The following SLC9A1 variants were observed in gnomAD, a reference collection of about 807,000 sequenced individuals.
The protein encoded by SLC9A1 is sodium/hydrogen exchanger 1.
Under a neutral mutation model 67.9 loss-of-function variants are expected in SLC9A1, and 22 were observed. That is an observed-to-expected ratio of 0.32 (90% CI 0.23 to 0.46). SLC9A1 has a LOEUF of 0.46. Among genes scored for constraint, SLC9A1 ranks in the 20% least tolerant of loss-of-function variants. The pLI is 1.00. For missense variants in SLC9A1, 686 were observed against 1,094.8 expected (o/e 0.63, Z 5.27); for synonymous variants, 421 against 471.8 (o/e 0.89, Z 1.40).
At position 27,100,734 on chromosome 1, in the gene SLC9A1, C is replaced by A. The variant is rs1176195122; in HGVS notation, c.2111-90G>T. ...CGGCCGCGTCAGTGCCTCCTTCAGG[C>A]CTTCTCATGAGCACAGCCGTCCCGG... On this transcript the variant is annotated intron_variant, in intron 11 of 11. Transcript: ENST00000263980. The surrounding 1 kb of genome is among the most constrained non-coding windows in gnomAD (Gnocchi z 5.6). The A allele has an allele frequency of 9.3e-7, 1 of 1,070,026 alleles. No homozygotes were observed. Among genetic ancestry groups the A allele is most frequent in the Non-Finnish European group, 1.4e-6 (1 of 732,524 alleles). 66.3% of individuals were successfully genotyped at this position (1,070,026 alleles called of 1,614,324 possible).
chr1:27,128,981 C>A (rs560398285), intron 1 of SLC9A1, among the ~76,000 whole-genome samples: 1 of 152,222 alleles, frequency 6.6e-6, no homozygotes. Context: ...AACAAACAAA[C>A]AAATGCATGC....
intron 1 of SLC9A1, among the ~76,000 whole-genome samples, chr1:27,127,867 G>A (rs1376530434): frequency 3.3e-5 from 5 of 152,178 alleles, no homozygotes; most frequent in South Asian, 4.1e-4. Flanking sequence ...AAAGGCCTGA[G>A]TCAAGCCCAG....
intron 1 of SLC9A1, among the ~76,000 whole-genome samples, chr1:27,140,924 C>T (rs1256669311): frequency 6.6e-6 from 1 of 152,098 alleles, no homozygotes; most frequent in African/African-American, 2.4e-5. Context: ...GTCACCTCCA[C>T]AGCCCAGGCA....
chr1:27,111,497 T>C (rs1175323430), intron 2 of SLC9A1, among the ~76,000 whole-genome samples: 1 of 152,176 alleles, frequency 6.6e-6, no homozygotes, highest in Non-Finnish European at 1.5e-5. Context: ...ACTGTATAGA[T>C]TAAATGAGGC....
Position 27,114,185 on chromosome 1 carries a change from T to C in SLC9A1, c.454A>G (p.Thr152Ala). Reference protein sequence around the residue: ...VGGLIKGVGETPPFLQSDVFF... With the variant: ...VGGLIKGVGEAPPFLQSDVFF... ...ACGTCGGACTGCAGGAAGGGGGGTG[T>C]CTCGCCTACACCCTTGATCAGGCCC... is the stretch of plus-strand genomic sequence containing the variant. Residue 152 changes from threonine to alanine, a missense_variant, in exon 2 of 12, where the codon ACA becomes GCA. Around this residue, in one of 7 missense-constraint regions of SLC9A1, gnomAD observed 29 missense variants for 71.9 expected, o/e 0.40. Coordinates refer to ENST00000263980, the MANE Select transcript of SLC9A1 (RefSeq NM_003047.5). This position sits in a 1 kb window ranked among gnomAD's most constrained non-coding sequence, Gnocchi z 5.4. 1 of 1,613,866 alleles carries C rather than the reference T, an allele frequency of 6.2e-7. No individual in the cohort carries two copies. Among genetic ancestry groups the C allele is most frequent in the Non-Finnish European group, 8.5e-7 (1 of 1,179,948 alleles).
In SLC9A1 at chr1:27,100,787, T is replaced by TG; in HGVS notation, c.2111-144dup. ...CCAACAGGCCTCAGAAGCAGGCCTC[T>TG]GCGACCTTCCACCCCACAGCTTCTC... On this transcript the variant is annotated intron_variant, in intron 11 of 11. Coordinates refer to ENST00000263980, the MANE Select transcript of SLC9A1 (RefSeq NM_003047.5). This position sits in a 1 kb window ranked among gnomAD's most constrained non-coding sequence, Gnocchi z 5.6. 1.5e-6 allele frequency: 1 copy of TG among 679,960 alleles called. No individual in the cohort carries two copies. 42.1% of individuals were successfully genotyped at this position (679,960 alleles called of 1,614,324 possible). A position where few individuals can be genotyped will look rare whatever the true frequency, so the allele number is the denominator to read the frequency against.
chr1:27,102,491 G>A lies in SLC9A1; in HGVS notation c.1714C>T (p.Gln572Ter). The change falls in exon 8 of 12, where the codon CAG becomes TAG. Residue 572 changes from glutamine to a stop codon, truncating the protein, a stop_gained. Transcript: ENST00000263980. LOFTEE classifies it high-confidence loss of function. ...LIAGERSKEPQLIAFYHKMEM... is the reference protein window; with the variant it reads ...LIAGERSKEP ...ATCTTGTGGTAGAAGGCAATGAGCT[G>A]GGGCTCCTTGGAGCGCTCGCCAGCT... 6.2e-7 allele frequency: 1 copy of A among 1,610,976 alleles called. No individual in the cohort carries two copies. Among genetic ancestry groups the A allele is most frequent in the Non-Finnish European group, 8.5e-7 (1 of 1,177,760 alleles).
At position 27,137,844 on chromosome 1, in the gene SLC9A1, A is replaced by C. The variant is rs1372238871; in HGVS notation, c.352+16139T>G. On this transcript the variant is annotated intron_variant, in intron 1 of 11. Coordinates refer to ENST00000263980, the MANE Select transcript of SLC9A1 (RefSeq NM_003047.5). This position sits in a 1 kb window ranked among gnomAD's most constrained non-coding sequence, Gnocchi z 4.6. ...GTGCCCACTCAGCCCCTCCCTCCCC[A>C]ATGTGCCCCTGACTCCACGCCCACT... 6.6e-6 allele frequency among the ~76,000 whole-genome samples: 1 copy of C among 151,910 alleles called. No individual in the cohort carries two copies. Among genetic ancestry groups the C allele is most frequent in the African/African-American group, 2.4e-5 (1 of 41,352 alleles).
At chr1:27,111,198 C>T (rs13375526) in intron 2 of SLC9A1, among the ~76,000 whole-genome samples, 339 of 152,262 alleles carry the variant, frequency 2.2e-3, no homozygotes, top group African/African-American at 7.7e-3. Flanking sequence ...GCGTACTCAG[C>T]CGTGGGCTAA....
Position 27,114,129 on chromosome 1 carries a change from G to C in SLC9A1, c.510C>G (p.Ile170Met), listed in dbSNP as rs1476705903. The change falls in exon 2 of 12, where the codon ATC (isoleucine) becomes ATG (methionine). Residue 170 changes from isoleucine (I) to methionine (M), a missense_variant. Around this residue, in one of 7 missense-constraint regions of SLC9A1, gnomAD observed 29 missense variants for 71.9 expected, o/e 0.40. Coordinates refer to ENST00000263980, the MANE Select transcript of SLC9A1 (RefSeq NM_003047.5). This position sits in a 1 kb window ranked among gnomAD's most constrained non-coding sequence, Gnocchi z 5.4. ...GTGGCAGGAAGTAGCCCGCATCCAGGATGATGGGCGGCAGCAGGAAGAGGA... is the reference window on the plus strand; with the variant it reads ...GTGGCAGGAAGTAGCCCGCATCCAGCATGATGGGCGGCAGCAGGAAGAGGA... Reference protein sequence around the residue: ...VFFLFLLPPIILDAGYFLPLR... With the variant: ...VFFLFLLPPIMLDAGYFLPLR... The C allele has an allele frequency of 6.2e-7, 1 of 1,614,110 alleles. No individual in the cohort carries two copies. The highest frequency in any genetic ancestry group is 8.5e-7 in the Non-Finnish European group (1 of 1,180,056).
In SLC9A1 at chr1:27,100,260, G is replaced by T; in HGVS notation, c.*47C>A. 1.4e-6 allele frequency: 2 copies of T among 1,399,420 alleles called. No individual in the cohort carries two copies. Among genetic ancestry groups the T allele is most frequent in the Non-Finnish European group, 9.6e-7 (1 of 1,039,730 alleles). The allele number at this position is 1,399,420 out of a possible 1,614,324, so 86.7% of individuals were successfully genotyped here. A position where few individuals can be genotyped will look rare whatever the true frequency, so the allele number is the denominator to read the frequency against. On this transcript the variant is annotated 3_prime_UTR_variant, in exon 12 of 12. Coordinates refer to ENST00000263980, the MANE Select transcript of SLC9A1 (RefSeq NM_003047.5). The surrounding 1 kb of genome is among the most constrained non-coding windows in gnomAD (Gnocchi z 5.6). The stretch of plus-strand genomic sequence containing the variant: ...GGGAGCCCCCAGCAGCCCCTGCTCT[G>T]GTGGAAGAGTCTGTGAGGGGACAGG...
rs369807292 is a variant in SLC9A1 at position 27,103,320 on chromosome 1, G to A, written c.1486-8C>T. 27 of 1,607,450 alleles carry A rather than the reference G, an allele frequency of 1.7e-5. No individual in the cohort carries two copies. The highest frequency in any genetic ancestry group is 2.2e-5 in the Non-Finnish European group (26 of 1,174,144). ...GGGCCGAATGGTCATGCCCTGGGGG[G>A]CAGGCAGGTGTCAGGCACTCCAGTT... On this transcript the variant is annotated splice_region_variant and splice_polypyrimidine_tract_variant and intron_variant, in intron 5 of 11. Transcript: ENST00000263980.
Position 27,106,605 on chromosome 1 carries a change from C to T in SLC9A1, c.1283-518G>A, listed in dbSNP as rs892376426. On this transcript the variant is annotated intron_variant, in intron 4 of 11. Transcript: ENST00000263980. The surrounding 1 kb of genome is among the most constrained non-coding windows in gnomAD (Gnocchi z 4.3). ...TGTGAGGTCCTGCCAGGCTTGGGGACATGGACCTAACCCTCAGAGAGGAAG... is the reference window on the plus strand; with the variant it reads ...TGTGAGGTCCTGCCAGGCTTGGGGATATGGACCTAACCCTCAGAGAGGAAG... Among the ~76,000 whole-genome samples the T allele has an allele frequency of 6.6e-6, 1 of 152,076 alleles. No homozygotes were observed. The highest frequency in any genetic ancestry group is 2.4e-5 in the African/African-American group (1 of 41,386).
intron 1 of SLC9A1, among the ~76,000 whole-genome samples, chr1:27,142,672 G>C (rs749315969): frequency 6.6e-6 from 1 of 152,212 alleles, no homozygotes; most frequent in Non-Finnish European, 1.5e-5. Flanking sequence ...TGTGTGAGCT[G>C]GGCTCACCAT....
chr1:27,118,781 CAG>C lies in SLC9A1; in HGVS notation c.353-4497_353-4496del, dbSNP rs1306208524. 6.6e-6 allele frequency among the ~76,000 whole-genome samples: 1 copy of C among 152,120 alleles called. No individual in the cohort carries two copies. The highest frequency in any genetic ancestry group is 1.5e-5 in the Non-Finnish European group (1 of 68,020). ...CATTATATAGTCAGGGAAATGGAGA[CAG>C]AGACAGCCAGTGACCTGTCAATGAT... is the stretch of plus-strand genomic sequence containing the variant. On this transcript the variant is annotated intron_variant, in intron 1 of 11. Coordinates refer to ENST00000263980, the MANE Select transcript of SLC9A1 (RefSeq NM_003047.5). This position sits in a 1 kb window ranked among gnomAD's most constrained non-coding sequence, Gnocchi z 4.3.
chr1:27,143,731 G>T (rs1018616535), intron 1 of SLC9A1, among the ~76,000 whole-genome samples: 3 of 152,214 alleles, frequency 2.0e-5, no homozygotes, highest in African/African-American at 7.2e-5. Flanking sequence ...GCTTAGCAAA[G>T]GTCAATATGC....
At chr1:27,121,988 C>T (rs530269129) in intron 1 of SLC9A1, among the ~76,000 whole-genome samples, 2 of 152,056 alleles carry the variant, frequency 1.3e-5, no homozygotes, top group African/African-American at 2.4e-5. Flanking sequence ...GCTGAGTGTG[C>T]GCCTATAGTC....
rs1416221830 is a variant in SLC9A1 at position 27,106,620 on chromosome 1, C to T, written c.1283-533G>A. Among the ~76,000 whole-genome samples, 1 of 152,014 alleles carries T rather than the reference C, an allele frequency of 6.6e-6. No individual in the cohort carries two copies. On this transcript the variant is annotated intron_variant, in intron 4 of 11. Transcript: ENST00000263980. The surrounding 1 kb of genome is among the most constrained non-coding windows in gnomAD (Gnocchi z 4.3). ...GGCTTGGGGACATGGACCTAACCCTCAGAGAGGAAGTGAGAGATCCAGGGA... is the reference window on the plus strand; with the variant it reads ...GGCTTGGGGACATGGACCTAACCCTTAGAGAGGAAGTGAGAGATCCAGGGA...
intron 1 of SLC9A1, among the ~76,000 whole-genome samples, chr1:27,129,798 AC>A (rs1570872456): frequency 6.6e-6 from 1 of 151,836 alleles, no homozygotes; most frequent in East Asian, 1.9e-4. Context: ...TTTTTAAACT[AC>A]CTTCTATTGA....
Sources: gnomAD v4.1 joint callset for allele counts (sites outside exome capture counted in the v4.1 genomes callset) on GRCh38, gnomAD v4.1.1 for gene constraint, gnomAD v4.1.1 regional missense constraint, Gnocchi (gnomAD v3.1) non-coding constraint, MANE v1.5 for transcripts, NCBI Gene and HGNC (gene_info 2026-07-23, HGNC 2026-07-21) for gene names.